Variants in GOLIM4 observed in about 807,000 individuals in gnomAD.
The protein encoded by GOLIM4 is golgi integral membrane protein 4.
Under a neutral mutation model 107.4 loss-of-function variants are expected in GOLIM4, and 71 were observed. The observed-to-expected ratio is 0.66, with a 90% CI of 0.55 to 0.81. The LOEUF (loss-of-function observed/expected upper bound fraction) is 0.81. Among genes scored for constraint, GOLIM4 ranks in the 30% least tolerant of loss-of-function variants. The pLI is 0.00. For missense variants in GOLIM4, 830 were observed against 826.1 expected, an observed-to-expected ratio of 1.00 and a Z score of -0.06; for synonymous variants, 327 against 294.8, an observed-to-expected ratio of 1.11 and a Z score of -1.12.
chr3:168,010,356 G>T lies in GOLIM4; in HGVS notation c.2004C>A (p.Gly668=). 6.2e-7 allele frequency: 1 copy of T among 1,612,790 alleles called. No individual in the cohort carries two copies. The highest frequency in any genetic ancestry group is 8.5e-7 in the Non-Finnish European group (1 of 1,179,048). The change falls in exon 16 of 16, where the codon GGC becomes GGA. Residue 668 remains glycine, a synonymous_variant. Transcript: ENST00000470487. ...CTTCCTCCTCGTAGTGTTCCTCTCGGCCTTTGGGGCGGTTGTCATCTCGAA... is the reference window on the plus strand; with the variant it reads ...CTTCCTCCTCGTAGTGTTCCTCTCGTCCTTTGGGGCGGTTGTCATCTCGAA... ...QEVRDDNRPK[G]REEHYEEEEE... is the part of the protein sequence containing the mutation.
intron 14 of GOLIM4, among the ~76,000 whole-genome samples, chr3:168,024,183 C>T (rs1717865889): frequency 6.6e-6 from 1 of 152,078 alleles, no homozygotes; most frequent in Admixed American, 6.5e-5. Flanking sequence ...CAGGGGCAGT[C>T]CAGATTCCCT....
rs373712690 is a variant in GOLIM4, at chr3:168,019,228, A to C, written c.1860+5298T>G. Among the ~76,000 whole-genome samples, 13 of 152,334 alleles carry C rather than the reference A, an allele frequency of 8.5e-5. No homozygotes were observed. The East Asian group carries it at 2.3e-3, about 27-fold the overall frequency. On this transcript the variant is annotated intron_variant, in intron 14 of 15. Transcript: ENST00000470487. The stretch of plus-strand genomic sequence containing the variant: ...TAAGCACATGCAAACGAAGAAAATC[A>C]TTCAATAAACCCCTTAGAGCCACCT...
At chr3:168,056,706 C>G (rs141924335) in intron 1 of GOLIM4, among the ~76,000 whole-genome samples, 2 of 152,178 alleles carry the variant, frequency 1.3e-5, no homozygotes, top group African/African-American at 4.8e-5. Context: ...TTTGGTCTTG[C>G]GTGGGGCCCC....
At chr3:168,075,422 A>G (rs1214080256) in intron 1 of GOLIM4, among the ~76,000 whole-genome samples, 4 of 145,424 alleles carry the variant, frequency 2.8e-5, no homozygotes, top group Non-Finnish European at 6.0e-5. Context: ...TCAGCCTCCC[A>G]AGTAGCTGGG....
chr3:168,066,522 G>C (rs1280461077), intron 1 of GOLIM4, among the ~76,000 whole-genome samples: 3 of 152,000 alleles, frequency 2.0e-5, no homozygotes, highest in Non-Finnish European at 2.9e-5. Flanking sequence ...TAAAGATCTT[G>C]GTTCTATCTT....
chr3:168,017,383 C>T (rs375441613), intron 14 of GOLIM4, among the ~76,000 whole-genome samples: 18 of 152,152 alleles, frequency 1.2e-4, no homozygotes, highest in Middle Eastern at 3.4e-3. Flanking sequence ...CTCAGCTACT[C>T]GGGAGGCTGA....
intron 1 of GOLIM4, among the ~76,000 whole-genome samples, chr3:168,049,198 C>CA (rs1329891857): frequency 6.6e-6 from 1 of 152,104 alleles, no homozygotes; most frequent in African/African-American, 2.4e-5. Context: ...CATACCACAA[C>CA]ACTCCTTCCC....
intron 14 of GOLIM4, among the ~76,000 whole-genome samples, chr3:168,021,696 A>G (rs902898132): frequency 2.0e-5 from 3 of 151,842 alleles, no homozygotes; most frequent in Non-Finnish European, 4.4e-5. Flanking sequence ...AAAAAAAAAG[A>G]AAAGCTTCTT....
At chr3:168,037,064 A>ATCTATGAATGGGCATTTGT in intron 7 of GOLIM4, 70 bp from the exon 8 acceptor site, 1 of 1,004,634 alleles carries the variant, frequency 1.0e-6, no homozygotes, top group Non-Finnish European at 1.5e-6. Flanking sequence ...ATTTGGGTAC[A>ATCTATGAATGGGCATTTGT]CTGTAAAACT....
chr3:168,015,000 C>A (rs1201041882), intron 14 of GOLIM4, among the ~76,000 whole-genome samples: 2 of 150,408 alleles, frequency 1.3e-5, no homozygotes, highest in Non-Finnish European at 3.0e-5. Context: ...TGCCCTCTCT[C>A]ACCACTCCTA....
intron 14 of GOLIM4, among the ~76,000 whole-genome samples, chr3:168,011,332 C>T (rs1044020007): frequency 2.0e-5 from 3 of 152,210 alleles, no homozygotes; most frequent in Non-Finnish European, 4.4e-5. Context: ...TGCGCTTTTC[C>T]GACGGGATTA....
chr3:168,010,259 T>C lies in GOLIM4; in HGVS notation c.*10A>G, dbSNP rs1230337597. 6.2e-7 allele frequency: 1 copy of C among 1,608,018 alleles called. No homozygotes were observed. The stretch of plus-strand genomic sequence containing the variant: ...CCGTTGGCTGAGCGTTGTCTAGAAA[T>C]TGGGTGCCGCTACATTTCAGCTCTT... On this transcript the variant is annotated 3_prime_UTR_variant, in exon 16 of 16. Coordinates refer to ENST00000470487, the MANE Select transcript of GOLIM4 (RefSeq NM_014498.5).
At chr3:168,082,613 G>A (rs530073624) in intron 1 of GOLIM4, among the ~76,000 whole-genome samples, 4 of 152,158 alleles carry the variant, frequency 2.6e-5, no homozygotes, top group Admixed American at 2.0e-4. Context: ...GAACGACAAG[G>A]CACTTTATCA....
chr3:168,055,390 TAGCA>T (rs572829592), intron 1 of GOLIM4, among the ~76,000 whole-genome samples: 129 of 152,328 alleles, frequency 8.5e-4, no homozygotes, highest in African/African-American at 3.0e-3. Flanking sequence ...TGTTATATTT[TAGCA>T]AAGAGACTGA....
At chr3:168,060,033 G>A (rs549556561) in intron 1 of GOLIM4, among the ~76,000 whole-genome samples, 56 of 152,156 alleles carry the variant, frequency 3.7e-4, no homozygotes, top group Non-Finnish European at 6.9e-4. Context: ...GGGGCAGAGT[G>A]CAATGGTCAC....
At chr3:168,026,886 G>C (rs749364946) in intron 12 of GOLIM4, among the ~76,000 whole-genome samples, 3 of 152,242 alleles carry the variant, frequency 2.0e-5, no homozygotes, top group Non-Finnish European at 4.4e-5. Flanking sequence ...TGACTTTCTT[G>C]ATGATTAGCA....
At chr3:168,012,812 T>C (rs1393440616) in intron 14 of GOLIM4, among the ~76,000 whole-genome samples, 1 of 151,936 alleles carries the variant, frequency 6.6e-6, no homozygotes, top group Non-Finnish European at 1.5e-5. Context: ...GAAGGAGAAA[T>C]AAAATCCTTT....
chr3:168,075,106 T>A (rs1008337426), intron 1 of GOLIM4, among the ~76,000 whole-genome samples: 1 of 152,006 alleles, frequency 6.6e-6, no homozygotes, highest in Non-Finnish European at 1.5e-5. Flanking sequence ...TTAAAGTAAG[T>A]GCTTAAGCAA....
chr3:168,044,652 TACG>T (rs759484883), intron 4 of GOLIM4, among the ~76,000 whole-genome samples, 173 bp downstream of exon 4: 17 of 152,106 alleles, frequency 1.1e-4, no homozygotes, highest in Non-Finnish European at 1.8e-4. Flanking sequence ...GAGTGATAAA[TACG>T]ACAAGCCATT....
Sources: allele counts gnomAD v4.1 joint callset (sites outside exome capture counted in the v4.1 genomes callset), GRCh38; gene constraint gnomAD v4.1.1; transcripts MANE v1.5; gene names NCBI Gene and HGNC (gene_info 2026-07-23, HGNC 2026-07-21).